AFF3: variants seen among roughly 807,000 people sequenced by gnomAD.
The protein encoded by AFF3 is ALF transcription elongation factor 3.
In AFF3, 32 loss-of-function variants were observed where a neutral mutation model predicts 129.7. That is an observed-to-expected ratio of 0.25 (90% CI 0.19 to 0.33). The LOEUF (loss-of-function observed/expected upper bound fraction) is 0.33, where lower values mean the gene tolerates loss of function less well. Ranked by LOEUF, AFF3 falls within the 10% of genes least tolerant of loss-of-function variation. The probability of loss-of-function intolerance (pLI) is 1.00; values close to 1 mark genes in which losing one functional copy is unlikely to be tolerated. For synonymous variants in AFF3, 644 were observed against 635.4 expected, an observed-to-expected ratio of 1.01 and a Z score of -0.20; for missense variants, 1,373 against 1,592.0, an observed-to-expected ratio of 0.86 and a Z score of 2.34.
rs185870685 is a variant in AFF3 at position 99,933,283 on chromosome 2, C to T, written c.873+73349G>A. ...TTCCTTTGAGAACTCATCAAGAAAG[C>T]AAGGGGCTTAAACTTGAGACATAGT... On this transcript the variant is annotated intron_variant, in intron 7 of 24. Coordinates refer to ENST00000672756, the MANE Select transcript of AFF3 (RefSeq NM_001386135.1). Among the ~76,000 whole-genome samples the T allele has an allele frequency of 2.1e-3, 320 of 152,142 alleles. 3 individuals are homozygous for T. Among genetic ancestry groups the T allele is most frequent in the Middle Eastern group, 0.02 (6 of 294 alleles).
At chr2:99,751,174 AG>A (rs1681621522) in intron 9 of AFF3, among the ~76,000 whole-genome samples, 1 of 152,174 alleles carries the variant, frequency 6.6e-6, no homozygotes. Context: ...GCTTACTGCA[AG>A]CTCCACCTCT....
At chr2:99,691,325 G>T (rs1467291645) in intron 11 of AFF3, among the ~76,000 whole-genome samples, 1 of 152,124 alleles carries the variant, frequency 6.6e-6, no homozygotes, top group African/African-American at 2.4e-5. Flanking sequence ...ATAAAGTTCT[G>T]CTAAAAATGC....
chr2:100,112,939 T>C (rs969541668), intron 2 of AFF3, among the ~76,000 whole-genome samples: 6 of 152,200 alleles, frequency 3.9e-5, no homozygotes, highest in African/African-American at 1.4e-4. Context: ...ACAGTTACAA[T>C]TTTATGAATT....
intron 3 of AFF3, chr2:100,105,119 C>T (rs1334386341): frequency 5.9e-6 from 1 of 169,284 alleles, no homozygotes; most frequent in Non-Finnish European, 1.2e-5. Flanking sequence ...GATGCGGAGC[C>T]GTGCCCGGCC....
chr2:99,896,620 C>CTTTTTGTTTTTTT (rs1693974563), intron 7 of AFF3, among the ~76,000 whole-genome samples: 1 of 36,074 alleles, frequency 2.8e-5, no homozygotes, highest in Non-Finnish European at 5.2e-5. Context: ...TGTCAAAATG[C>CTTTTTGTTTTTTT]TTTTTTTTTT....
At chr2:99,855,570 G>A (rs1690462938) in intron 7 of AFF3, among the ~76,000 whole-genome samples, 1 of 152,102 alleles carries the variant, frequency 6.6e-6, no homozygotes, top group Non-Finnish European at 1.5e-5. Flanking sequence ...AAACAAAGTA[G>A]CATTGGATTA....
chr2:100,011,408 G>C (rs540804417), intron 4 of AFF3: 1 of 774,838 alleles, frequency 1.3e-6, no homozygotes, highest in East Asian at 2.4e-5. Context: ...TGTGATGCAC[G>C]AAGTGGCCTC....
intron 7 of AFF3, among the ~76,000 whole-genome samples, chr2:99,880,657 A>G (rs1201248039): frequency 6.6e-6 from 1 of 152,172 alleles, no homozygotes; most frequent in African/African-American, 2.4e-5. Context: ...CTGGAAAAAA[A>G]TCTAGCCCAC....
chr2:99,996,434 G>A (rs1680834331), intron 7 of AFF3, among the ~76,000 whole-genome samples: 1 of 151,912 alleles, frequency 6.6e-6, no homozygotes, highest in African/African-American at 2.4e-5. Context: ...TTTTGAGATG[G>A]AGTCTCACTC....
intron 4 of AFF3, among the ~76,000 whole-genome samples, chr2:100,037,441 T>G (rs1396193518): frequency 2.3e-5 from 3 of 127,692 alleles, no homozygotes; most frequent in East Asian, 4.2e-4. Context: ...TATATTTATA[T>G]TTTATATATT....
intron 1 of AFF3, among the ~76,000 whole-genome samples, chr2:100,141,426 A>T (rs1248320038): frequency 1.3e-5 from 2 of 152,206 alleles, no homozygotes; most frequent in Non-Finnish European, 2.9e-5. Context: ...GCCCTAGGTA[A>T]AGGAAGGTGC....
intron 9 of AFF3, among the ~76,000 whole-genome samples, chr2:99,750,418 CT>C (rs59169692): frequency 0.67 from 86,076 of 128,702 alleles, 27,560 homozygotes; most frequent in South Asian, 0.84. Flanking sequence ...TTTTTCTTTT[CT>C]TTTTTTTTTT....
At chr2:100,080,496 C>T (rs1688962768) in intron 4 of AFF3, among the ~76,000 whole-genome samples, 1 of 152,158 alleles carries the variant, frequency 6.6e-6, no homozygotes, top group Non-Finnish European at 1.5e-5. Context: ...TCTTATAAAT[C>T]ATTTTCATTT....
At chr2:99,635,471 G>C (rs568083882) in intron 13 of AFF3, among the ~76,000 whole-genome samples, 2 of 152,230 alleles carry the variant, frequency 1.3e-5, no homozygotes, top group South Asian at 4.1e-4. Context: ...TTGTGTGTGT[G>C]TGTGTGTTTC....
At chr2:99,891,689 T>C (rs983383006) in intron 7 of AFF3, among the ~76,000 whole-genome samples, 1 of 152,200 alleles carries the variant, frequency 6.6e-6, no homozygotes, top group Non-Finnish European at 1.5e-5. Context: ...GAGGCGATAC[T>C]GCCTCACTGT....
intron 7 of AFF3, among the ~76,000 whole-genome samples, chr2:99,898,732 A>T (rs1319640763): frequency 6.6e-6 from 1 of 152,110 alleles, no homozygotes; most frequent in African/African-American, 2.4e-5. Context: ...ACCCACTCTG[A>T]TCACCTCCTG....
intron 4 of AFF3, among the ~76,000 whole-genome samples, chr2:100,055,626 T>C (rs943474370): frequency 1.3e-5 from 2 of 152,194 alleles, no homozygotes; most frequent in African/African-American, 4.8e-5. Context: ...GTGTTCTGTC[T>C]AGGCCAGAGA....
intron 7 of AFF3, among the ~76,000 whole-genome samples, chr2:99,997,775 C>T (rs902550502): frequency 6.6e-6 from 1 of 152,200 alleles, no homozygotes; most frequent in Non-Finnish European, 1.5e-5. Flanking sequence ...CATTCCCACT[C>T]AGCCTTCACT....
chr2:99,732,849 C>T (rs1027873502), intron 10 of AFF3, among the ~76,000 whole-genome samples: 2 of 152,108 alleles, frequency 1.3e-5, no homozygotes, highest in African/African-American at 4.8e-5. Flanking sequence ...CATACCAACA[C>T]TTGTTATGAT....
Sources: gnomAD v4.1 joint callset for allele counts (sites outside exome capture counted in the v4.1 genomes callset) on GRCh38, gnomAD v4.1.1 for gene constraint, MANE v1.5 for transcripts, NCBI Gene and HGNC (gene_info 2026-07-23, HGNC 2026-07-21) for gene names.